The following UNC5D variants were observed in gnomAD, a reference collection of about 807,000 sequenced individuals.
UNC5D encodes the protein unc-5 netrin receptor D, also known as netrin receptor UNC5D.
Under a neutral mutation model 105.4 loss-of-function variants are expected in UNC5D, and 39 were observed. The observed-to-expected ratio is 0.37, with a 90% CI of 0.29 to 0.48. The LOEUF (loss-of-function observed/expected upper bound fraction) is 0.48. UNC5D is among the 20% of genes least tolerant of loss of function. The pLI is 0.98. For synonymous variants in UNC5D, 452 were observed against 450.4 expected (o/e 1.00, Z -0.04); for missense variants, 991 against 1,202.4 (o/e 0.82, Z 2.60).
chr8:35,292,355 G>A lies in UNC5D; in HGVS notation c.103+56468G>A, dbSNP rs149947946. On this transcript the variant is annotated intron_variant, in intron 1 of 16. Transcript: ENST00000404895. ...CTTTGCCAAATTGCATTGCTACAAA[G>A]CCCATTAGGGATTTTTAAAACCAGG... 7.9e-5 allele frequency among the ~76,000 whole-genome samples: 12 copies of A among 152,258 alleles called. No individual in the cohort carries two copies. The East Asian group carries it at 2.3e-3, about 29-fold the overall frequency.
chr8:35,394,414 T>A (rs1803975889), intron 1 of UNC5D, among the ~76,000 whole-genome samples: 3 of 152,164 alleles, frequency 2.0e-5, no homozygotes, highest in South Asian at 2.1e-4. Context: ...TCTGTGTGTA[T>A]GTATTTCATT....
chr8:35,357,744 G>C (rs188113558), intron 1 of UNC5D, among the ~76,000 whole-genome samples: 98 of 152,122 alleles, frequency 6.4e-4, no homozygotes, highest in African/African-American at 2.3e-3. Flanking sequence ...ATCAGTTGTG[G>C]GAATAAGTAA....
chr8:35,733,545 CTCTG>C (rs1233233627), intron 11 of UNC5D, among the ~76,000 whole-genome samples: 2 of 152,186 alleles, frequency 1.3e-5, no homozygotes, highest in Admixed American at 6.5e-5. Flanking sequence ...CCACGGTTCC[CTCTG>C]TCTTAGTTCA....
chr8:35,593,520 AG>A (rs1259444386), intron 3 of UNC5D, among the ~76,000 whole-genome samples: 1 of 152,196 alleles, frequency 6.6e-6, no homozygotes, highest in Non-Finnish European at 1.5e-5. Context: ...CGGGAGGCCA[AG>A]GCAGGAGGAT....
At position 35,373,313 on chromosome 8, in the gene UNC5D, C is replaced by T. The variant is rs187301943; in HGVS notation, c.103+137426C>T. 3.3e-5 allele frequency among the ~76,000 whole-genome samples: 5 copies of T among 152,210 alleles called. No homozygotes were observed. In the East Asian group the frequency reaches 9.7e-4, roughly 29 times the overall value. ...CCACCGTTCAGTGACATTACTGCACCATATGGTGCTCAGTGAATGATTTCA... is the reference window on the plus strand; with the variant it reads ...CCACCGTTCAGTGACATTACTGCACTATATGGTGCTCAGTGAATGATTTCA... On this transcript the variant is annotated intron_variant, in intron 1 of 16. Transcript: ENST00000404895.
At chr8:35,705,590 C>T (rs1284405679) in intron 7 of UNC5D, among the ~76,000 whole-genome samples, 1 of 152,168 alleles carries the variant, frequency 6.6e-6, no homozygotes, top group East Asian at 1.9e-4. Context: ...CCTGAGCAGG[C>T]TTCTGGTTGT....
intron 4 of UNC5D, among the ~76,000 whole-genome samples, chr8:35,662,345 T>A (rs145478687): frequency 5.3e-4 from 80 of 152,286 alleles, no homozygotes; most frequent in African/African-American, 1.8e-3. Flanking sequence ...GTTGCAGTAG[T>A]TCGTAAAGCA....
chr8:35,668,215 T>C (rs2131263498), intron 4 of UNC5D, among the ~76,000 whole-genome samples: 1 of 152,260 alleles, frequency 6.6e-6, no homozygotes, highest in East Asian at 1.9e-4. Context: ...TCCTCCTTTA[T>C]ATGATCTATT....
In UNC5D at chr8:35,641,912, C is replaced by A. The variant is rs141553551; in HGVS notation, c.571-41635C>A. ...AGCTCCTTATTTCTCCAGGTTCTTG[C>A]TTAGGTATGGATGGTGGTACCATCT... is the stretch of plus-strand genomic sequence containing the variant. On this transcript the variant is annotated intron_variant, in intron 4 of 16. Coordinates refer to ENST00000404895, the MANE Select transcript of UNC5D (RefSeq NM_080872.4). 1.2e-4 allele frequency among the ~76,000 whole-genome samples: 19 copies of A among 152,242 alleles called. No individual in the cohort carries two copies. The East Asian group carries it at 3.7e-3, about 29-fold the overall frequency.
At chr8:35,702,247 T>C (rs1052824388) in intron 7 of UNC5D, among the ~76,000 whole-genome samples, 3 of 152,040 alleles carry the variant, frequency 2.0e-5, no homozygotes, top group African/African-American at 7.2e-5. Context: ...TCTGGGACCA[T>C]TTATATACCA....
chr8:35,655,524 T>G (rs1292016080), intron 4 of UNC5D, among the ~76,000 whole-genome samples: 2 of 152,220 alleles, frequency 1.3e-5, no homozygotes, highest in Non-Finnish European at 2.9e-5. Context: ...GGAAAAGCAA[T>G]CTGGTCATCA....
intron 1 of UNC5D, among the ~76,000 whole-genome samples, chr8:35,380,055 C>T (rs971930871): frequency 1.8e-5 from 2 of 113,224 alleles, no homozygotes; most frequent in African/African-American, 7.3e-5. Context: ...CCTCTCTTGG[C>T]TTGTAGAAAA....
intron 2 of UNC5D, among the ~76,000 whole-genome samples, chr8:35,557,902 C>T (rs1816665284): frequency 1.3e-5 from 2 of 151,818 alleles, no homozygotes; most frequent in African/African-American, 2.4e-5. Context: ...GAGGCCGAGG[C>T]GGGTGGATCA....
intron 3 of UNC5D, 32 bp downstream of exon 3, chr8:35,568,273 G>A: frequency 1.9e-6 from 3 of 1,608,664 alleles, no homozygotes; most frequent in Non-Finnish European, 2.5e-6. Flanking sequence ...TTGTCTTGTA[G>A]GACCACAAAT....
chr8:35,411,273 CT>C (rs1317839893), intron 1 of UNC5D, among the ~76,000 whole-genome samples: 3 of 151,976 alleles, frequency 2.0e-5, no homozygotes, highest in African/African-American at 7.2e-5. Context: ...ATGAAAAACC[CT>C]CCTGAGATTT....
At chr8:35,578,631 G>A (rs528637020) in intron 3 of UNC5D, among the ~76,000 whole-genome samples, 5 of 152,260 alleles carry the variant, frequency 3.3e-5, no homozygotes, top group South Asian at 4.1e-4. Flanking sequence ...GTTTCCATCC[G>A]TAGATGGCAT....
chr8:35,268,887 C>T (rs576836558), intron 1 of UNC5D, among the ~76,000 whole-genome samples: 1 of 152,212 alleles, frequency 6.6e-6, no homozygotes, highest in East Asian at 1.9e-4. Flanking sequence ...AATAAATCTA[C>T]ATTTATTGGG....
chr8:35,506,719 G>T (rs1473836417), intron 1 of UNC5D, among the ~76,000 whole-genome samples: 1 of 152,144 alleles, frequency 6.6e-6, no homozygotes, highest in East Asian at 1.9e-4. Flanking sequence ...AGCACTGATT[G>T]AATACTTTTA....
intron 1 of UNC5D, among the ~76,000 whole-genome samples, chr8:35,246,035 T>TCAAGTCAAAACTTCCTTTC: frequency 6.6e-6 from 1 of 152,256 alleles, no homozygotes; most frequent in Non-Finnish European, 1.5e-5. Context: ...TTTCTCCTCT[T>TCAAGTCAAAACTTCCTTTC]CAAGTCAAAA....
Sources: allele counts gnomAD v4.1 joint callset (sites outside exome capture counted in the v4.1 genomes callset), GRCh38; gene constraint gnomAD v4.1.1; transcripts MANE v1.5; gene names NCBI Gene and HGNC (gene_info 2026-07-23, HGNC 2026-07-21).